SLC39A3: variants seen among roughly 807,000 people sequenced by gnomAD.
SLC39A3 encodes solute carrier family 39 member 3, also known as zinc transporter ZIP3.
A neutral mutation model predicts 5.1 loss-of-function variants in SLC39A3; 3 were observed. The observed-to-expected ratio is 0.59, with a 90% confidence interval of 0.27 to 1.54. SLC39A3 has a LOEUF of 1.54. SLC39A3 is among the 40% of genes most tolerant of loss of function. The probability of loss-of-function intolerance (pLI) is 0.12; values close to 1 mark genes in which losing one functional copy is unlikely to be tolerated. For synonymous variants in SLC39A3, 250 were observed against 218.8 expected (o/e 1.14, Z -1.26); for missense variants, 412 against 436.4 (o/e 0.94, Z 0.50).
At chr19:2,737,000 T>C in intron 2 of SLC39A3, 48 bp downstream of exon 2, 1 of 1,611,002 alleles carries the variant, frequency 6.2e-7, no homozygotes, top group Non-Finnish European at 8.5e-7. Context: ...CAGAGTCCCT[T>C]GGCCATAAGG....
Position 2,735,304 on chromosome 19 carries a change from G to T in SLC39A3, c.210+1744C>A. On this transcript the variant is annotated intron_variant, in intron 2 of 2. Coordinates refer to ENST00000269740, the MANE Select transcript of SLC39A3 (RefSeq NM_144564.5). This position sits in a 1 kb window ranked among gnomAD's most constrained non-coding sequence, Gnocchi z 5.7. Reference sequence around the variant, plus strand: ...CCACGCGGAACAGCAGGAATGCGGTGTCTCGGCTCTGAACGGTGGAAATCC... The same window carrying T: ...CCACGCGGAACAGCAGGAATGCGGTTTCTCGGCTCTGAACGGTGGAAATCC... 1 of 768,576 alleles carries T rather than the reference G, an allele frequency of 1.3e-6. No individual in the cohort carries two copies. The highest frequency in any genetic ancestry group is 1.6e-6 in the Non-Finnish European group (1 of 631,852). 47.6% of individuals were successfully genotyped at this position (768,576 alleles called of 1,614,324 possible). A position where few individuals can be genotyped will look rare whatever the true frequency, so the allele number is the denominator to read the frequency against.
chr19:2,733,087 C>T lies in SLC39A3; in HGVS notation c.609G>A (p.Gly203=), dbSNP rs1914247033. ...CCACCAGTGTCTCGTGGACGGCCAC[C>T]CCCACGAACAGGCTCACCACTTTCT... ...EGEKVVSLFV[G]VAVHETLVAV... is the part of the protein sequence containing the mutation. Residue 203 remains glycine (G), a synonymous_variant, in exon 3 of 3, where the codon GGG becomes GGA. Transcript: ENST00000269740. The surrounding 1 kb of genome is among the most constrained non-coding windows in gnomAD (Gnocchi z 6.1). 2 of 1,610,732 alleles carry T rather than the reference C, an allele frequency of 1.2e-6. No homozygotes were observed. Among genetic ancestry groups the T allele is most frequent in the Non-Finnish European group, 1.7e-6 (2 of 1,178,956 alleles).
chr19:2,737,284 C>A lies in SLC39A3; in HGVS notation c.-27G>T. The A allele has an allele frequency of 6.3e-7, 1 of 1,580,208 alleles. No homozygotes were observed. Among genetic ancestry groups the A allele is most frequent in the African/African-American group, 1.3e-5 (1 of 74,298 alleles). On this transcript the variant is annotated 5_prime_UTR_variant, in exon 2 of 3. Transcript: ENST00000269740. ...GTGGCGGCTTGGGCTGCTCTGGTCA[C>A]TGCAGGGCCAAACCATCTGTGGGCG...
chr19:2,737,194 C>T lies in SLC39A3; in HGVS notation c.64G>A (p.Gly22Ser), dbSNP rs945313809. ...MVGVFFFMLLGSLLPVKIIET... is the reference protein window; with the variant it reads ...MVGVFFFMLLSSLLPVKIIET... The stretch of plus-strand genomic sequence containing the variant: ...ATGATCTTCACGGGGAGCAGGGAGC[C>T]GAGCAGCATGAAGAAGAACACGCCC... The change falls in exon 2 of 3, where the codon GGC (glycine) becomes AGC (serine). Residue 22 changes from glycine to serine, a missense_variant. Transcript: ENST00000269740. The T allele has an allele frequency of 5.6e-6, 9 of 1,614,110 alleles. No individual in the cohort carries two copies. Among genetic ancestry groups the T allele is most frequent in the Admixed American group, 3.3e-5 (2 of 60,008 alleles).
intron 1 of SLC39A3, among the ~76,000 whole-genome samples, chr19:2,737,965 G>A (rs558727050): frequency 3.3e-5 from 5 of 152,050 alleles, no homozygotes; most frequent in Non-Finnish European, 4.4e-5. Context: ...TTGGGAGGCC[G>A]AGGTGGGTGG....
At position 2,734,685 on chromosome 19, in the gene SLC39A3, C is replaced by T. The variant is rs1205421023; in HGVS notation, c.211-1200G>A. 5.2e-6 allele frequency: 5 copies of T among 966,660 alleles called. No individual in the cohort carries two copies. The highest frequency in any genetic ancestry group is 4.9e-6 in the Non-Finnish European group (4 of 812,770). The allele number at this position is 966,660 out of a possible 1,614,324, so 59.9% of individuals were successfully genotyped here. A position where few individuals can be genotyped will look rare whatever the true frequency, so the allele number is the denominator to read the frequency against. On this transcript the variant is annotated intron_variant, in intron 2 of 2. Coordinates refer to ENST00000269740, the MANE Select transcript of SLC39A3 (RefSeq NM_144564.5). The surrounding 1 kb of genome is among the most constrained non-coding windows in gnomAD (Gnocchi z 4.6). Reference sequence around the variant, plus strand: ...ACTCCAGGCCAGGAGCACCCCCCATCGTGACAACCACAATGTCCCCAGGCA... The same window carrying T: ...ACTCCAGGCCAGGAGCACCCCCCATTGTGACAACCACAATGTCCCCAGGCA...
In SLC39A3 at chr19:2,735,272, G is replaced by C. The variant is rs554369276; in HGVS notation, c.210+1776C>G. The C allele has an allele frequency of 2.4e-5, 23 of 949,242 alleles. No homozygotes were observed. The South Asian group carries it at 1.0e-3, about 42-fold the overall frequency. 58.8% of individuals were successfully genotyped at this position (949,242 alleles called of 1,614,324 possible). Reference sequence around the variant, plus strand: ...ACACACCGCGTAACGAACGAATGCAGACTCAGCCACGCGGAACAGCAGGAA... The same window carrying C: ...ACACACCGCGTAACGAACGAATGCACACTCAGCCACGCGGAACAGCAGGAA... On this transcript the variant is annotated intron_variant, in intron 2 of 2. Coordinates refer to ENST00000269740, the MANE Select transcript of SLC39A3 (RefSeq NM_144564.5). This position sits in a 1 kb window ranked among gnomAD's most constrained non-coding sequence, Gnocchi z 5.7.
Position 2,732,751 on chromosome 19 carries a change from T to C in SLC39A3, c.945A>G (p.Ter315TrpextTer65). 1 of 1,549,554 alleles carries C rather than the reference T, an allele frequency of 6.5e-7. No individual in the cohort carries two copies. The highest frequency in any genetic ancestry group is 1.4e-5 in the African/African-American group (1 of 72,688). Residue 315 changes from the stop codon to tryptophan, a stop_lost, in exon 3 of 3, where the codon TGA becomes TGG. Transcript: ENST00000269740. ...GCGGCAGGGACAATGGCGAGGCCGC[T>C]CACCACTTGAGGAAGACCATCCCGG... The part of the protein sequence containing the change: ...VLAGMVFLKW[*>W]
At position 2,737,144 on chromosome 19, in the gene SLC39A3, A is replaced by G; in HGVS notation, c.114T>C (p.His38=). Residue 38 remains histidine, a synonymous_variant, in exon 2 of 3, where the codon CAT becomes CAC. Transcript: ENST00000269740. The stretch of plus-strand genomic sequence containing the variant: ...AGAGAGAGAGGATCTTTTTCGAGCG[A>G]TGGGCCTTCTCAAAATCTGTCTCGA... The part of the protein sequence containing the change: ...KIIETDFEKA[H]RSKKILSLCN... The G allele has an allele frequency of 6.2e-7, 1 of 1,614,158 alleles. No homozygotes were observed. The highest frequency in any genetic ancestry group is 2.2e-5 in the East Asian group (1 of 44,882).
At position 2,733,503 on chromosome 19, in the gene SLC39A3, CGA is replaced by C. The variant is rs139950756; in HGVS notation, c.211-20_211-19del. 3.4e-3 allele frequency: 4,960 copies of C among 1,442,812 alleles called. 3 individuals are homozygous for C. The highest frequency in any genetic ancestry group is 0.01 in the South Asian group (813 of 78,066). The allele number at this position is 1,442,812 out of a possible 1,614,324, so 89.4% of individuals were successfully genotyped here. A position where few individuals can be genotyped will look rare whatever the true frequency, so the allele number is the denominator to read the frequency against. ...TTCTGGAGCTGCAGCCGGGGACACC[CGA>C]GAGAGAGAGAGAGACCCACGCTCAG... On this transcript the variant is annotated intron_variant, in intron 2 of 2. Coordinates refer to ENST00000269740, the MANE Select transcript of SLC39A3 (RefSeq NM_144564.5). This position sits in a 1 kb window ranked among gnomAD's most constrained non-coding sequence, Gnocchi z 6.1.
At chr19:2,737,428 T>C in intron 1 of SLC39A3, 49 bp from the exon 2 acceptor site, 2 of 1,296,990 alleles carry the variant, frequency 1.5e-6, no homozygotes, top group South Asian at 1.6e-5. Context: ...TTTTCTTTTT[T>C]TTTTTTTAGA....
Position 2,732,674 on chromosome 19 carries a change from C to T in SLC39A3, c.*77G>A, listed in dbSNP as rs908770809. On this transcript the variant is annotated 3_prime_UTR_variant, in exon 3 of 3. Transcript: ENST00000269740. ...CCACAGTGCTCGCTCTTGGGGGACGCGCGGCCGGGGGACGCGGCCTGTGTC... is the reference window on the plus strand; with the variant it reads ...CCACAGTGCTCGCTCTTGGGGGACGTGCGGCCGGGGGACGCGGCCTGTGTC... 43 of 1,437,012 alleles carry T rather than the reference C, an allele frequency of 3.0e-5. No homozygotes were observed. The highest frequency in any genetic ancestry group is 1.5e-4 in the South Asian group (10 of 67,118). The allele number at this position is 1,437,012 out of a possible 1,614,324, so 89.0% of individuals were successfully genotyped here. A position where few individuals can be genotyped will look rare whatever the true frequency, so the allele number is the denominator to read the frequency against.
Position 2,737,093 on chromosome 19 carries a change from A to G in SLC39A3, c.165T>C (p.Phe55=). The part of the protein sequence containing the change: ...SLCNTFGGGV[F]LATCFNALLP... ...GCAGAGCGTTGAAGCACGTGGCCAG[A>G]AACACCCCTCCTCCAAAGGTGTTGC... The change falls in exon 2 of 3, where the codon TTT becomes TTC. Residue 55 remains phenylalanine (F), a synonymous_variant. Coordinates refer to ENST00000269740, the MANE Select transcript of SLC39A3 (RefSeq NM_144564.5). 1.9e-6 allele frequency: 3 copies of G among 1,614,188 alleles called. No homozygotes were observed. Among genetic ancestry groups the G allele is most frequent in the Non-Finnish European group, 2.5e-6 (3 of 1,180,028 alleles).
chr19:2,737,476 T>C (rs10405932), intron 1 of SLC39A3, 97 bp from the exon 2 acceptor site: 282,650 of 788,766 alleles, frequency 0.36, 58,593 homozygotes, highest in African/African-American at 0.76. Flanking sequence ...AGTGCAATGG[T>C]GCAATCTCCG....
intron 1 of SLC39A3, among the ~76,000 whole-genome samples, chr19:2,738,913 G>C (rs1329738962): frequency 3.3e-5 from 5 of 150,924 alleles, no homozygotes; most frequent in Non-Finnish European, 5.9e-5. Flanking sequence ...CTCCAGCCTG[G>C]GTGACAGAGT....
intron 1 of SLC39A3, among the ~76,000 whole-genome samples, chr19:2,738,747 G>C (rs141310223): frequency 5.3e-5 from 8 of 152,112 alleles, no homozygotes; most frequent in South Asian, 2.1e-4. Flanking sequence ...GACCAGCCTG[G>C]CCAACACAGT....
In SLC39A3 at chr19:2,733,307, T is replaced by A; in HGVS notation, c.389A>T (p.Asp130Val). 2 of 1,612,696 alleles carry A rather than the reference T, an allele frequency of 1.2e-6. No homozygotes were observed. The highest frequency in any genetic ancestry group is 1.7e-6 in the Non-Finnish European group (2 of 1,179,942). ...TFNAGSDVGS[D>V]SEYESPFMGG... ...CATGAAGGGGCTCTCATACTCCGAG[T>A]CGCTGCCCACGTCCGATCCGGCGTT... The change falls in exon 3 of 3, where the codon GAC (aspartate) becomes GTC (valine). Residue 130 changes from aspartate (D) to valine (V), a missense_variant. By Grantham distance (152) the Asp-to-Val change is radical (BLOSUM62 -3). Transcript: ENST00000269740. The surrounding 1 kb of genome is among the most constrained non-coding windows in gnomAD (Gnocchi z 6.1).
chr19:2,733,343 A>C lies in SLC39A3; in HGVS notation c.353T>G (p.Leu118Arg). The change falls in exon 3 of 3, where the codon CTG becomes CGG. Residue 118 changes from leucine (L) to arginine (R), a missense_variant. Leu to Arg is a moderately radical substitution (Grantham distance 102, BLOSUM62 -2). Coordinates refer to ENST00000269740, the MANE Select transcript of SLC39A3 (RefSeq NM_144564.5). The surrounding 1 kb of genome is among the most constrained non-coding windows in gnomAD (Gnocchi z 6.1). ...GTCCGATCCGGCGTTGAAGGTCTCC[A>C]GGTCGATGAAGGACGGCTTCTCCTT... Reference protein sequence around the residue: ...FRKEKPSFIDLETFNAGSDVG... With the variant: ...FRKEKPSFIDRETFNAGSDVG... 6.2e-7 allele frequency: 1 copy of C among 1,613,216 alleles called. No individual in the cohort carries two copies. The highest frequency in any genetic ancestry group is 8.5e-7 in the Non-Finnish European group (1 of 1,180,016).
At position 2,735,110 on chromosome 19, in the gene SLC39A3, C is replaced by G. The variant is rs1044020146; in HGVS notation, c.211-1625G>C. On this transcript the variant is annotated intron_variant, in intron 2 of 2. Transcript: ENST00000269740. The surrounding 1 kb of genome is among the most constrained non-coding windows in gnomAD (Gnocchi z 5.7). ...GGAAGAGCAAGCTCCCCGCAGTCGC[C>G]CAGGCCTGCAGTCAGAGGGTGACGG... 1 of 985,160 alleles carries G rather than the reference C, an allele frequency of 1.0e-6. No homozygotes were observed. Among genetic ancestry groups the G allele is most frequent in the South Asian group, 4.7e-5 (1 of 21,282 alleles). 61.0% of individuals were successfully genotyped at this position (985,160 alleles called of 1,614,324 possible). A position where few individuals can be genotyped will look rare whatever the true frequency, so the allele number is the denominator to read the frequency against.
Sources: allele counts gnomAD v4.1 joint callset (sites outside exome capture counted in the v4.1 genomes callset), GRCh38; gene constraint gnomAD v4.1.1; non-coding constraint Gnocchi (gnomAD v3.1); transcripts MANE v1.5; gene names NCBI Gene and HGNC (gene_info 2026-07-23, HGNC 2026-07-21).